The following CAMTA1 variants were observed in gnomAD, a reference collection of about 807,000 sequenced individuals.
CAMTA1 encodes calmodulin binding transcription activator 1.
In CAMTA1, 27 loss-of-function variants were observed where a neutral mutation model predicts 170.9. The observed-to-expected ratio is 0.16, with a 90% CI of 0.12 to 0.22. The LOEUF (loss-of-function observed/expected upper bound fraction) is 0.22. CAMTA1 is among the 10% of genes least tolerant of loss of function. The pLI is 1.00. For synonymous variants in CAMTA1, 833 were observed against 891.5 expected (o/e 0.93, Z 1.17); for missense variants, 1,619 against 2,217.2 (o/e 0.73, Z 5.42).
At chr1:7,262,489 G>A (rs1269231396) in intron 5 of CAMTA1, among the ~76,000 whole-genome samples, 1 of 152,178 alleles carries the variant, frequency 6.6e-6, no homozygotes, top group Non-Finnish European at 1.5e-5. Flanking sequence ...TAGAACCCAG[G>A]AAGCAGAGGT....
At chr1:7,235,762 G>T (rs1287533155) in intron 4 of CAMTA1, among the ~76,000 whole-genome samples, 3 of 152,184 alleles carry the variant, frequency 2.0e-5, no homozygotes, top group Admixed American at 2.0e-4. Flanking sequence ...CTTGTGGGGG[G>T]CTTTTAGGCC....
intron 3 of CAMTA1, among the ~76,000 whole-genome samples, chr1:6,950,714 A>AC (rs200555418): frequency 0.027 from 2,387 of 89,360 alleles, 38 homozygotes; most frequent in African/African-American, 0.09. Context: ...ATGCACCCCC[A>AC]CCCCCCAGCC....
intron 4 of CAMTA1, among the ~76,000 whole-genome samples, chr1:7,126,239 G>A (rs925163650): frequency 1.3e-5 from 2 of 152,162 alleles, no homozygotes; most frequent in African/African-American, 4.8e-5. Flanking sequence ...TGGGGACACA[G>A]CTGAACCATG....
At chr1:7,235,243 G>C (rs1000274590) in intron 4 of CAMTA1, among the ~76,000 whole-genome samples, 1 of 152,128 alleles carries the variant, frequency 6.6e-6, no homozygotes, top group African/African-American at 2.4e-5. Flanking sequence ...TTCGGGATCA[G>C]CCTTCCTAGG....
rs1171164630 is a variant in CAMTA1 at position 7,064,263 on chromosome 1, G to T, written c.235-27041G>T. ...TTGTTCTTGTTCTTTTCTTCCTCTT[G>T]TTCTCTCTCTCTCACTCTCTCCCTC... On this transcript the variant is annotated intron_variant, in intron 3 of 22. Coordinates refer to ENST00000303635, the MANE Select transcript of CAMTA1 (RefSeq NM_015215.4). The surrounding 1 kb of genome is among the most constrained non-coding windows in gnomAD (Gnocchi z 5.4). 6.7e-6 allele frequency among the ~76,000 whole-genome samples: 1 copy of T among 149,454 alleles called. No individual in the cohort carries two copies. The highest frequency in any genetic ancestry group is 1.5e-5 in the Non-Finnish European group (1 of 67,576).
intron 3 of CAMTA1, among the ~76,000 whole-genome samples, chr1:6,915,515 C>T (rs775832217): frequency 6.6e-5 from 10 of 152,074 alleles, no homozygotes; most frequent in East Asian, 1.9e-4. Flanking sequence ...GAAGCCAGGC[C>T]GGAAGGGTTT....
chr1:7,621,876 AGCTCGGCCACGTCTCG>A (rs2095600750), intron 6 of CAMTA1, among the ~76,000 whole-genome samples: 1 of 152,210 alleles, frequency 6.6e-6, no homozygotes, highest in South Asian at 2.1e-4. Context: ...GCACCAGCTC[AGCTCGGCCACGTCTCG>A]GCTCCCTGGC....
At chr1:6,905,320 A>G (rs962320544) in intron 3 of CAMTA1, among the ~76,000 whole-genome samples, 3 of 149,628 alleles carry the variant, frequency 2.0e-5, no homozygotes, top group Admixed American at 6.7e-5. Flanking sequence ...CAGCCTCCTG[A>G]GTAGGTAGGA....
intron 5 of CAMTA1, among the ~76,000 whole-genome samples, chr1:7,296,544 G>T (rs1673967707): frequency 6.6e-6 from 1 of 152,204 alleles, no homozygotes. Flanking sequence ...GATAATTTGG[G>T]TGTGGGAATA....
intron 6 of CAMTA1, among the ~76,000 whole-genome samples, chr1:7,631,674 G>A (rs1297136206): frequency 1.3e-5 from 2 of 152,188 alleles, no homozygotes; most frequent in Admixed American, 6.5e-5. Context: ...AGCCTGCAGG[G>A]GCCGGCAGAT....
rs2096744593 is a variant in CAMTA1 at position 7,732,904 on chromosome 1, T to C, written c.3066+305T>C. Among the ~76,000 whole-genome samples the C allele has an allele frequency of 6.6e-6, 1 of 151,840 alleles. No individual in the cohort carries two copies. Among genetic ancestry groups the C allele is most frequent in the Non-Finnish European group, 1.5e-5 (1 of 67,972 alleles). On this transcript the variant is annotated intron_variant, in intron 12 of 22. Coordinates refer to ENST00000303635, the MANE Select transcript of CAMTA1 (RefSeq NM_015215.4). The surrounding 1 kb of genome is among the most constrained non-coding windows in gnomAD (Gnocchi z 4.1). Reference sequence around the variant, plus strand: ...GAATTAAGGACAACCAATTGAAAAATAGAGGCTGGCTGGGCATGGTGGCTC... The same window carrying C: ...GAATTAAGGACAACCAATTGAAAAACAGAGGCTGGCTGGGCATGGTGGCTC...
intron 4 of CAMTA1, among the ~76,000 whole-genome samples, chr1:7,225,845 C>T (rs987951072): frequency 1.3e-5 from 2 of 152,192 alleles, no homozygotes; most frequent in East Asian, 1.9e-4. Context: ...CACATCCCCT[C>T]GACTGTTCCA....
At chr1:7,707,583 C>T (rs953923666) in intron 11 of CAMTA1, among the ~76,000 whole-genome samples, 2 of 152,064 alleles carry the variant, frequency 1.3e-5, no homozygotes, top group African/African-American at 4.8e-5. Flanking sequence ...CTCCATGTTG[C>T]CCAGGCTGGG....
chr1:7,394,882 C>CT (rs56830110), intron 5 of CAMTA1, among the ~76,000 whole-genome samples: 90,304 of 136,658 alleles, frequency 0.66, 29,634 homozygotes, highest in Middle Eastern at 0.75. Context: ...CTTTTTTTTT[C>CT]TTTTTTTTTT....
rs574183694 is a variant in CAMTA1 at position 7,057,258 on chromosome 1, G to A, written c.235-34046G>A. On this transcript the variant is annotated intron_variant, in intron 3 of 22. Transcript: ENST00000303635. Reference sequence around the variant, plus strand: ...TTTCTCAGCTTGGAGACACATGTGCGCGGCGAGCTCCCGTCCCGGTTCCCC... The same window carrying A: ...TTTCTCAGCTTGGAGACACATGTGCACGGCGAGCTCCCGTCCCGGTTCCCC... 3.3e-5 allele frequency among the ~76,000 whole-genome samples: 5 copies of A among 152,324 alleles called. No homozygotes were observed. The East Asian group carries it at 5.8e-4, about 18-fold the overall frequency.
chr1:7,167,132 A>C (rs1187588012), intron 4 of CAMTA1, among the ~76,000 whole-genome samples: 1 of 151,902 alleles, frequency 6.6e-6, no homozygotes, highest in Non-Finnish European at 1.5e-5. Flanking sequence ...ATTTAATTTT[A>C]TTTTTTATGT....
intron 7 of CAMTA1, among the ~76,000 whole-genome samples, chr1:7,647,611 G>C (rs1558051868): frequency 4.6e-5 from 7 of 152,184 alleles, no homozygotes. Flanking sequence ...GGTGGGGCTG[G>C]AACTAGCAGC....
chr1:7,484,205 G>C (rs181542899), intron 6 of CAMTA1, among the ~76,000 whole-genome samples: 1 of 152,170 alleles, frequency 6.6e-6, no homozygotes, highest in Admixed American at 6.5e-5. Context: ...TGGCACAGAG[G>C]GGGGCCCACC....
At chr1:6,909,936 G>A (rs1679351476) in intron 3 of CAMTA1, among the ~76,000 whole-genome samples, 1 of 152,208 alleles carries the variant, frequency 6.6e-6, no homozygotes, top group Non-Finnish European at 1.5e-5. Flanking sequence ...TACTTAGGCT[G>A]GTTGCCCCAA....
Sources: gnomAD v4.1 joint callset for allele counts (sites outside exome capture counted in the v4.1 genomes callset) on GRCh38, gnomAD v4.1.1 for gene constraint, Gnocchi (gnomAD v3.1) non-coding constraint, MANE v1.5 for transcripts, NCBI Gene and HGNC (gene_info 2026-07-23, HGNC 2026-07-21) for gene names.